AGXT2: variants seen among roughly 807,000 people sequenced by gnomAD.
The protein encoded by AGXT2 is alanine--glyoxylate aminotransferase 2, mitochondrial.
A neutral mutation model predicts 62.5 loss-of-function variants in AGXT2; 61 were observed. That is an observed-to-expected ratio of 0.98 (90% CI 0.79 to 1.21). The LOEUF (loss-of-function observed/expected upper bound fraction) is 1.21, where lower values mean the gene tolerates loss of function less well. Ranked by LOEUF, AGXT2 falls within the 50% of genes most tolerant of loss-of-function variation. The pLI is 0.00. For missense variants in AGXT2, 666 were observed against 641.5 expected, an observed-to-expected ratio of 1.04 and a Z score of -0.41; for synonymous variants, 243 against 218.7, an observed-to-expected ratio of 1.11 and a Z score of -0.98.
intron 9 of AGXT2, among the ~76,000 whole-genome samples, chr5:35,021,470 G>T (rs1466268399): frequency 2.5e-4 from 38 of 150,446 alleles, no homozygotes; most frequent in Non-Finnish European, 4.9e-4. Flanking sequence ...CAAGCAATGG[G>T]GAAAGGATTC....
At chr5:35,046,507 T>A (rs1456864635) in intron 1 of AGXT2, among the ~76,000 whole-genome samples, 1 of 152,222 alleles carries the variant, frequency 6.6e-6, no homozygotes, top group Admixed American at 6.5e-5. Context: ...TCCCAAGTTA[T>A]CACATACATG....
intron 9 of AGXT2, among the ~76,000 whole-genome samples, chr5:35,019,419 C>A (rs1766979331): frequency 6.7e-6 from 1 of 150,216 alleles, no homozygotes; most frequent in Admixed American, 6.6e-5. Flanking sequence ...GATTAAGAAT[C>A]TCACTCAAAA....
At chr5:35,036,077 A>T (rs1767758479) in intron 4 of AGXT2, among the ~76,000 whole-genome samples, 1 of 18,224 alleles carries the variant, frequency 5.5e-5, no homozygotes, top group Non-Finnish European at 1.7e-3. Context: ...ACTCCGTCTC[A>T]AAAAGAAAAA....
chr5:35,045,605 T>G (rs145012248), intron 1 of AGXT2, among the ~76,000 whole-genome samples: 1 of 152,102 alleles, frequency 6.6e-6, no homozygotes, highest in African/African-American at 2.4e-5. Context: ...AATAAATGTA[T>G]GTTAGTGAGT....
At position 35,004,518 on chromosome 5, in the gene AGXT2, G is replaced by T. The variant is rs112051883; in HGVS notation, c.1339-657C>A. On this transcript the variant is annotated intron_variant, in intron 12 of 13. Transcript: ENST00000231420. ...GTGGGGTCAGACATTGGGCTGACTT[G>T]CATCCTTTCTGTGCGTCCCCTGTCT... Among the ~76,000 whole-genome samples, 4 of 152,278 alleles carry T rather than the reference G, an allele frequency of 2.6e-5. No individual in the cohort carries two copies. In the East Asian group the frequency reaches 5.8e-4, roughly 22 times the overall value.
At position 35,009,972 on chromosome 5, in the gene AGXT2, TGA is replaced by T. The variant is rs763102408; in HGVS notation, c.1338+26_1338+27del. The T allele has an allele frequency of 4.2e-5, 67 of 1,614,048 alleles. No individual in the cohort carries two copies. The Admixed American group carries it at 5.3e-4, about 13-fold the overall frequency. On this transcript the variant is annotated intron_variant, in intron 12 of 13. Transcript: ENST00000231420. ...ATATCTCCTGCTGGCTCCAAGCAGC[TGA>T]GAGAGAGGGGCAGATTAGCACCTAC...
rs1766332689 is a variant in AGXT2, at chr5:35,003,987, TTCTC to T, written c.1339-130_1339-127del. The T allele has an allele frequency of 1.1e-5, 9 of 803,824 alleles. No homozygotes were observed. The South Asian group carries it at 1.3e-4, about 11-fold the overall frequency. The allele number at this position is 803,824 out of a possible 1,614,324, so 49.8% of individuals were successfully genotyped here. A position where few individuals can be genotyped will look rare whatever the true frequency, so the allele number is the denominator to read the frequency against. The stretch of plus-strand genomic sequence containing the variant: ...CCCTCTTTTTTTTCTCTCTCCCTCT[TTCTC>T]TCTGTCCTCTCCTTCCCCTGTAATT... On this transcript the variant is annotated intron_variant, in intron 12 of 13. Transcript: ENST00000231420.
At chr5:35,032,848 T>A in intron 6 of AGXT2, 23 bp from the exon 7 acceptor site, 1 of 1,581,380 alleles carries the variant, frequency 6.3e-7, no homozygotes, top group Non-Finnish European at 8.6e-7. Context: ...AAAGAAGGAG[T>A]GTGGCAAAGC....
intron 9 of AGXT2, among the ~76,000 whole-genome samples, chr5:35,019,466 G>A (rs1766982061): frequency 6.6e-6 from 1 of 151,512 alleles, no homozygotes; most frequent in Non-Finnish European, 1.5e-5. Context: ...ACCTGCTCCT[G>A]AATGACTACT....
chr5:35,009,852 C>T, intron 12 of AGXT2, 148 bp downstream of exon 12: 1 of 1,059,030 alleles, frequency 9.4e-7, no homozygotes, highest in East Asian at 2.4e-5. Flanking sequence ...ATACTCAACA[C>T]TCTCTACTAA....
chr5:34,998,924 G>C, intron 13 of AGXT2, 98 bp from the exon 14 acceptor site: 1 of 911,666 alleles, frequency 1.1e-6, no homozygotes, highest in Non-Finnish European at 1.8e-6. Context: ...CTTGTGTTTA[G>C]GATGTTTCTC....
At chr5:35,026,082 CAGT>C in intron 8 of AGXT2, 4 of 599,078 alleles carry the variant, frequency 6.7e-6, no homozygotes, top group Non-Finnish European at 1.2e-5. Context: ...GATTAGAAAA[CAGT>C]AGAATAAAAG....
intron 9 of AGXT2, among the ~76,000 whole-genome samples, chr5:35,024,213 T>C (rs1767235827): frequency 6.6e-6 from 1 of 152,088 alleles, no homozygotes; most frequent in Non-Finnish European, 1.5e-5. Context: ...AAATTTTTAG[T>C]TGAGGAAGTC....
intron 9 of AGXT2, among the ~76,000 whole-genome samples, chr5:35,022,671 T>TA (rs1380383177): frequency 2.0e-5 from 3 of 148,622 alleles, no homozygotes; most frequent in Non-Finnish European, 4.4e-5. Context: ...CATGTATACA[T>TA]ATGCAACTAA....
chr5:35,026,737 C>T (rs902440409), intron 7 of AGXT2, among the ~76,000 whole-genome samples: 7 of 152,082 alleles, frequency 4.6e-5, no homozygotes, highest in Non-Finnish European at 8.8e-5. Context: ...TTAAGATAGC[C>T]ATAAAGGCAT....
At chr5:35,040,544 C>G in intron 2 of AGXT2, 31 bp downstream of exon 2, 1 of 1,592,952 alleles carries the variant, frequency 6.3e-7, no homozygotes, top group Non-Finnish European at 8.6e-7. Context: ...GAAACTACCT[C>G]TTTGAGTTTT....
At chr5:35,027,645 G>T (rs1271980845) in intron 7 of AGXT2, among the ~76,000 whole-genome samples, 2 of 151,742 alleles carry the variant, frequency 1.3e-5, no homozygotes, top group Middle Eastern at 3.4e-3. Context: ...TTTGTGTATT[G>T]TATATTTATT....
intron 4 of AGXT2, among the ~76,000 whole-genome samples, chr5:35,036,259 T>A (rs344153): frequency 0.94 from 142,778 of 152,238 alleles, 67,425 homozygotes; most frequent in Non-Finnish European, 1. Context: ...TTGCAGCTCT[T>A]CCATGTTTCT....
chr5:35,025,685 C>T (rs1272070284), intron 9 of AGXT2, 78 bp downstream of exon 9: 1 of 1,458,250 alleles, frequency 6.9e-7, no homozygotes, highest in African/African-American at 1.4e-5. Flanking sequence ...GCCTGGAACA[C>T]AGAGGAAGTT....
Sources: allele counts gnomAD v4.1 joint callset (sites outside exome capture counted in the v4.1 genomes callset), GRCh38; gene constraint gnomAD v4.1.1; transcripts MANE v1.5; gene names NCBI Gene and HGNC (gene_info 2026-07-23, HGNC 2026-07-21).